The following DERA variants were observed in gnomAD, a reference collection of about 807,000 sequenced individuals.
DERA encodes the protein 2-deoxy-D-ribose 5-phosphate aldolase.
A neutral mutation model predicts 41.1 loss-of-function variants in DERA; 15 were observed. The ratio of observed to expected loss-of-function variants is 0.37; its 90% CI spans 0.24 to 0.56. The LOEUF (loss-of-function observed/expected upper bound fraction) is 0.56, where lower values mean the gene tolerates loss of function less well. Among genes scored for constraint, DERA ranks in the 20% least tolerant of loss-of-function variants. The pLI is 0.81. For missense variants in DERA, 396 were observed against 403.4 expected, an observed-to-expected ratio of 0.98 and a Z score of 0.16; for synonymous variants, 139 against 137.4, an observed-to-expected ratio of 1.01 and a Z score of -0.08.
At chr12:15,948,642 G>A (rs1165876447) in intron 1 of DERA, among the ~76,000 whole-genome samples, 5 of 152,088 alleles carry the variant, frequency 3.3e-5, no homozygotes, top group African/African-American at 7.2e-5. Context: ...GCGACTGGTC[G>A]AACTTCCTCT....
At position 15,970,854 on chromosome 12, in the gene DERA, C is replaced by G. The variant is rs1214617162; in HGVS notation, c.508+7907C>G. ...TTCCACCAAAGCAACATGAAAAAACCTAATGTCTAGTTTTAGCTTCTGGGG... is the reference window on the plus strand; with the variant it reads ...TTCCACCAAAGCAACATGAAAAAACGTAATGTCTAGTTTTAGCTTCTGGGG... On this transcript the variant is annotated intron_variant, in intron 5 of 8. Transcript: ENST00000428559. This position sits in a 1 kb window ranked among gnomAD's most constrained non-coding sequence, Gnocchi z 4.3. 3.3e-5 allele frequency among the ~76,000 whole-genome samples: 5 copies of G among 152,276 alleles called. No individual in the cohort carries two copies. In the East Asian group the frequency reaches 9.6e-4, roughly 29 times the overall value.
At position 15,917,787 on chromosome 12, in the gene DERA, A is replaced by G. The variant is rs7980292; in HGVS notation, c.31+6373A>G. Reference sequence around the variant, plus strand: ...TGTTTCAACAAGGTATTTCTGGCTTATCTTATAATTTCCCTTTCCCAGCAC... The same window carrying G: ...TGTTTCAACAAGGTATTTCTGGCTTGTCTTATAATTTCCCTTTCCCAGCAC... On this transcript the variant is annotated intron_variant, in intron 1 of 8. Coordinates refer to ENST00000428559, the MANE Select transcript of DERA (RefSeq NM_015954.4). 3.2e-3 allele frequency among the ~76,000 whole-genome samples: 488 copies of G among 152,150 alleles called. 2 individuals carry two copies. Among genetic ancestry groups the G allele is most frequent in the African/African-American group, 0.011 (463 of 41,436 alleles).
At position 15,943,983 on chromosome 12, in the gene DERA, G is replaced by T. The variant is rs928539231; in HGVS notation, c.32-12953G>T. ...TATGAGTGAGAACATGCGGTGTTTG[G>T]TTTTTTGTCCTTGTGATAGTTTGCT... On this transcript the variant is annotated intron_variant, in intron 1 of 8. Coordinates refer to ENST00000428559, the MANE Select transcript of DERA (RefSeq NM_015954.4). The surrounding 1 kb of genome is among the most constrained non-coding windows in gnomAD (Gnocchi z 4.5). Among the ~76,000 whole-genome samples the T allele has an allele frequency of 6.7e-6, 1 of 149,926 alleles. No homozygotes were observed. Among genetic ancestry groups the T allele is most frequent in the Non-Finnish European group, 1.5e-5 (1 of 67,790 alleles).
At position 15,965,889 on chromosome 12, in the gene DERA, C is replaced by A. The variant is rs1948619114; in HGVS notation, c.508+2942C>A. On this transcript the variant is annotated intron_variant, in intron 5 of 8. Transcript: ENST00000428559. The surrounding 1 kb of genome is among the most constrained non-coding windows in gnomAD (Gnocchi z 4.1). ...ACTGTGCTGTGGCTCTCATCTCCCC[C>A]TGCATTTTCAGAAGCCCTGCTCTAT... Among the ~76,000 whole-genome samples, 1 of 152,162 alleles carries A rather than the reference C, an allele frequency of 6.6e-6. No homozygotes were observed. Among genetic ancestry groups the A allele is most frequent in the Non-Finnish European group, 1.5e-5 (1 of 68,034 alleles).
Position 15,917,438 on chromosome 12 carries a change from T to A in DERA, c.31+6024T>A, listed in dbSNP as rs566251479. The stretch of plus-strand genomic sequence containing the variant: ...GAATCTAATTTTTTTCTCTTTAATA[T>A]TTAATACTTAACATACATATGTTAC... On this transcript the variant is annotated intron_variant, in intron 1 of 8. Transcript: ENST00000428559. Among the ~76,000 whole-genome samples, 22 of 152,346 alleles carry A rather than the reference T, an allele frequency of 1.4e-4. No individual in the cohort carries two copies. In the South Asian group the frequency reaches 2.5e-3, roughly 17 times the overall value.
chr12:16,023,415 G>A (rs1949029380), intron 6 of DERA, among the ~76,000 whole-genome samples: 2 of 150,624 alleles, frequency 1.3e-5, no homozygotes, highest in Non-Finnish European at 2.9e-5. Flanking sequence ...AATATATCAT[G>A]CATAGCTTTC....
chr12:15,971,222 T>C (rs1948657462), intron 5 of DERA, among the ~76,000 whole-genome samples: 1 of 152,238 alleles, frequency 6.6e-6, no homozygotes, highest in South Asian at 2.1e-4. Context: ...TTTTTCTTTT[T>C]CAAACCTTTC....
rs1332123774 is a variant in DERA, at chr12:15,981,068, G to T, written c.509-1240G>T. ...ATGTTTATAAAACTACTTCCTATGG[G>T]CCGGGCACCGTGGCTCACACCTGTA... On this transcript the variant is annotated intron_variant, in intron 5 of 8. Transcript: ENST00000428559. This position sits in a 1 kb window ranked among gnomAD's most constrained non-coding sequence, Gnocchi z 6.1. Among the ~76,000 whole-genome samples the T allele has an allele frequency of 2.0e-5, 3 of 152,058 alleles. No individual in the cohort carries two copies. The highest frequency in any genetic ancestry group is 6.5e-5 in the Admixed American group (1 of 15,272).
intron 1 of DERA, among the ~76,000 whole-genome samples, chr12:15,920,364 G>T (rs1286481871): frequency 6.6e-6 from 1 of 152,160 alleles, no homozygotes; most frequent in African/African-American, 2.4e-5. Flanking sequence ...GCTGGTTAGA[G>T]GTAGTCCTGG....
intron 1 of DERA, among the ~76,000 whole-genome samples, chr12:15,944,375 T>C (rs1948430907): frequency 6.6e-6 from 1 of 152,194 alleles, no homozygotes; most frequent in Non-Finnish European, 1.5e-5. Flanking sequence ...TTTCTCCACA[T>C]CCTCTCCAGC....
intron 1 of DERA, chr12:15,916,089 G>A (rs1346948857): frequency 6.6e-6 from 1 of 152,142 alleles, no homozygotes; most frequent in African/African-American, 2.4e-5. Flanking sequence ...CTGTTTTATT[G>A]CCATAACCCA....
intron 1 of DERA, among the ~76,000 whole-genome samples, chr12:15,919,822 T>C (rs939105271): frequency 6.6e-6 from 1 of 152,186 alleles, no homozygotes; most frequent in Non-Finnish European, 1.5e-5. Flanking sequence ...GCCACTTAAC[T>C]GGTGTCTTTG....
At chr12:16,006,050 G>T (rs1482623344) in intron 6 of DERA, among the ~76,000 whole-genome samples, 1 of 152,178 alleles carries the variant, frequency 6.6e-6, no homozygotes, top group East Asian at 1.9e-4. Flanking sequence ...TAAAAGTTAA[G>T]TCTATTTAAA....
chr12:16,013,157 T>C lies in DERA; in HGVS notation c.638-19385T>C, dbSNP rs993585584. Among the ~76,000 whole-genome samples the C allele has an allele frequency of 6.6e-6, 1 of 152,208 alleles. No homozygotes were observed. The highest frequency in any genetic ancestry group is 1.5e-5 in the Non-Finnish European group (1 of 68,036). Reference sequence around the variant, plus strand: ...GTGAAATTTCCAGTGTTGATACCAGTCTTTAAAAATCATTTTAAAGAACCA... The same window carrying C: ...GTGAAATTTCCAGTGTTGATACCAGCCTTTAAAAATCATTTTAAAGAACCA... On this transcript the variant is annotated intron_variant, in intron 6 of 8. Transcript: ENST00000428559. This position sits in a 1 kb window ranked among gnomAD's most constrained non-coding sequence, Gnocchi z 5.8.
rs1022895212 is a variant in DERA, at chr12:15,992,027, C to T, written c.637+9591C>T. Among the ~76,000 whole-genome samples, 1 of 151,118 alleles carries T rather than the reference C, an allele frequency of 6.6e-6. No individual in the cohort carries two copies. The highest frequency in any genetic ancestry group is 1.5e-5 in the Non-Finnish European group (1 of 67,884). ...TTAGGACAGTTGCAAATACCAGTAG[C>T]ATTTGTAACATAGTATCAGCATCAA... is the stretch of plus-strand genomic sequence containing the variant. On this transcript the variant is annotated intron_variant, in intron 6 of 8. Coordinates refer to ENST00000428559, the MANE Select transcript of DERA (RefSeq NM_015954.4). This position sits in a 1 kb window ranked among gnomAD's most constrained non-coding sequence, Gnocchi z 4.3.
rs1020017041 is a variant in DERA at position 16,036,909 on chromosome 12, C to G, written c.*163C>G. On this transcript the variant is annotated 3_prime_UTR_variant, in exon 9 of 9. Transcript: ENST00000428559. The surrounding 1 kb of genome is among the most constrained non-coding windows in gnomAD (Gnocchi z 4.9). ...AATGGAATGGAAAAAGCAAACTCATCCACATGTGGTACTCATTTCAGGCAC... is the reference window on the plus strand; with the variant it reads ...AATGGAATGGAAAAAGCAAACTCATGCACATGTGGTACTCATTTCAGGCAC... 1.6e-6 allele frequency: 1 copy of G among 606,728 alleles called. No homozygotes were observed. Among genetic ancestry groups the G allele is most frequent in the Non-Finnish European group, 2.9e-6 (1 of 343,788 alleles). 37.6% of individuals were successfully genotyped at this position (606,728 alleles called of 1,614,324 possible).
In DERA at chr12:15,921,980, T is replaced by C. The variant is rs1260567746; in HGVS notation, c.31+10566T>C. Among the ~76,000 whole-genome samples, 4 of 152,174 alleles carry C rather than the reference T, an allele frequency of 2.6e-5. No homozygotes were observed. Among genetic ancestry groups the C allele is most frequent in the Admixed American group, 1.3e-4 (2 of 15,272 alleles). On this transcript the variant is annotated intron_variant, in intron 1 of 8. Coordinates refer to ENST00000428559, the MANE Select transcript of DERA (RefSeq NM_015954.4). The surrounding 1 kb of genome is among the most constrained non-coding windows in gnomAD (Gnocchi z 5.3). The stretch of plus-strand genomic sequence containing the variant: ...CAAGGAATAAACAAGAAATGTATTT[T>C]AGTTTTGTGTCTTTATAAGCAGAGT...
At chr12:15,974,766 A>T (rs542316301) in intron 5 of DERA, among the ~76,000 whole-genome samples, 1 of 152,122 alleles carries the variant, frequency 6.6e-6, no homozygotes, top group African/African-American at 2.4e-5. Context: ...TTTTTCAGCT[A>T]TTACTCTGAT....
intron 1 of DERA, among the ~76,000 whole-genome samples, chr12:15,929,932 G>A (rs1948315333): frequency 6.6e-6 from 1 of 152,034 alleles, no homozygotes; most frequent in South Asian, 2.1e-4. Context: ...TAGCTTTTTT[G>A]AAAAGAGATT....
Sources: gnomAD v4.1 joint callset for allele counts (sites outside exome capture counted in the v4.1 genomes callset) on GRCh38, gnomAD v4.1.1 for gene constraint, Gnocchi (gnomAD v3.1) non-coding constraint, MANE v1.5 for transcripts, NCBI Gene and HGNC (gene_info 2026-07-23, HGNC 2026-07-21) for gene names.